Variants in MECR observed in about 807,000 individuals in gnomAD.
The protein encoded by MECR is enoyl-[acyl-carrier-protein] reductase, mitochondrial.
A neutral mutation model predicts 49.1 loss-of-function variants in MECR; 37 were observed. That is an observed-to-expected ratio of 0.75 (90% CI 0.58 to 0.99). The LOEUF (loss-of-function observed/expected upper bound fraction) is 0.99. MECR is among the 50% of genes least tolerant of loss of function. The pLI is 0.00. For synonymous variants in MECR, 198 were observed against 191.1 expected (o/e 1.04, Z -0.30); for missense variants, 470 against 479.6 (o/e 0.98, Z 0.19).
At chr1:29,217,152 A>T (rs1027645133) in intron 1 of MECR, among the ~76,000 whole-genome samples, 7 of 143,260 alleles carry the variant, frequency 4.9e-5, no homozygotes, top group Non-Finnish European at 1.1e-4. Context: ...AAAAAAAAAA[A>T]AGAAATCAAC....
chr1:29,187,775 G>A (rs1186970426), downstream of MECR, among the ~76,000 whole-genome samples: 2 of 150,376 alleles, frequency 1.3e-5, no homozygotes, highest in East Asian at 4.3e-4. Flanking sequence ...GGTGGCTCAC[G>A]CCTGTAATCC....
chr1:29,200,997 T>C (rs763741698), intron 6 of MECR, among the ~76,000 whole-genome samples: 41 of 152,192 alleles, frequency 2.7e-4, no homozygotes, highest in Non-Finnish European at 5.0e-4. Flanking sequence ...GGTCTCACTA[T>C]GTTGCTCAGG....
At chr1:29,225,816 G>A (rs1681896452) in intron 1 of MECR, among the ~76,000 whole-genome samples, 1 of 152,146 alleles carries the variant, frequency 6.6e-6, no homozygotes, top group South Asian at 2.1e-4. Context: ...GTGCCCTATA[G>A]TGAGAATGGA....
chr1:29,206,905 C>T lies in MECR; in HGVS notation c.407G>A (p.Gly136Glu), dbSNP rs773294539. ...DWVIPANAGLGTWRTEAVFSE... is the reference protein window; with the variant it reads ...DWVIPANAGLETWRTEAVFSE... Reference sequence around the variant, plus strand: ...GAACACAGCCTCGGTCCGCCAGGTTCCTGAGTCAGAAGATGAAGCCAGGAT... The same window carrying T: ...GAACACAGCCTCGGTCCGCCAGGTTTCTGAGTCAGAAGATGAAGCCAGGAT... The change falls in exon 4 of 10, where the codon GGA (glycine) becomes GAA (glutamate). Residue 136 changes from glycine to glutamate, a missense_variant and splice_region_variant. Transcript: ENST00000263702. 3 of 1,614,038 alleles carry T rather than the reference C, an allele frequency of 1.9e-6. No individual in the cohort carries two copies. Among genetic ancestry groups the T allele is most frequent in the South Asian group, 1.1e-5 (1 of 91,080 alleles).
chr1:29,182,807 G>T, the MECR span, among the ~76,000 whole-genome samples: 2 of 152,216 alleles, frequency 1.3e-5, no homozygotes, highest in Non-Finnish European at 2.9e-5. Context: ...GCCTCCCAAA[G>T]TGCTGGGATT....
the MECR span, among the ~76,000 whole-genome samples, chr1:29,174,565 T>G: frequency 6.6e-6 from 1 of 151,718 alleles, no homozygotes. Context: ...ATCAGGCTGT[T>G]AGGGTGAAAC....
the MECR span, chr1:29,170,996 A>G: frequency 6.6e-6 from 1 of 152,234 alleles, no homozygotes; most frequent in East Asian, 1.9e-4. Flanking sequence ...AAACTCAAGT[A>G]AAACATTTCC....
At chr1:29,209,303 T>G (rs930666559) in intron 3 of MECR, among the ~76,000 whole-genome samples, 8 of 152,254 alleles carry the variant, frequency 5.3e-5, no homozygotes, top group Non-Finnish European at 1.0e-4. Context: ...CTCACTAGAT[T>G]GATTTCTCGA....
At chr1:29,179,528 TAA>T in the MECR span, among the ~76,000 whole-genome samples, 1 of 152,046 alleles carries the variant, frequency 6.6e-6, no homozygotes, top group Non-Finnish European at 1.5e-5. Flanking sequence ...CGTGGCTAAT[TAA>T]AAAAATTTTT....
chr1:29,215,439 G>A (rs762835306), intron 3 of MECR, among the ~76,000 whole-genome samples: 8 of 152,068 alleles, frequency 5.3e-5, no homozygotes, highest in Non-Finnish European at 8.8e-5. Flanking sequence ...TTTGTCGGGC[G>A]TGATGGTGTA....
At chr1:29,187,567 T>C in the MECR span, among the ~76,000 whole-genome samples, 109 of 151,780 alleles carry the variant, frequency 7.2e-4, no homozygotes, top group Non-Finnish European at 1.3e-3. Context: ...TGCGTAATTA[T>C]CTCATATCCC....
intron 1 of MECR, among the ~76,000 whole-genome samples, chr1:29,220,073 T>C (rs1241934177): frequency 1.3e-5 from 2 of 152,040 alleles, no homozygotes; most frequent in African/African-American, 4.8e-5. Context: ...CGAACTTTTC[T>C]CACTAGTGAG....
Position 29,194,137 on chromosome 1 carries a change from C to CG in MECR, c.1006dup (p.Arg336ProfsTer47), listed in dbSNP as rs751642196. The CG allele has an allele frequency of 3.1e-6, 5 of 1,613,660 alleles. No homozygotes were observed. The South Asian group carries it at 5.5e-5, about 18-fold the overall frequency. On this transcript the variant is annotated frameshift_variant, in exon 10 of 10. Transcript: ENST00000263702. LOFTEE classifies it high-confidence loss of function. The stretch of plus-strand genomic sequence containing the variant: ...GGCAGGGGCTGTGAGCTGGCCTCGG[C>CG]GGATGAGATCGCACAGTGTGAGGAT...
chr1:29,201,103 G>T lies in MECR; in HGVS notation c.757-514C>A, dbSNP rs1675213317. Among the ~76,000 whole-genome samples, 1 of 152,180 alleles carries T rather than the reference G, an allele frequency of 6.6e-6. No homozygotes were observed. Among genetic ancestry groups the T allele is most frequent in the African/African-American group, 2.4e-5 (1 of 41,448 alleles). On this transcript the variant is annotated intron_variant, in intron 6 of 9. Coordinates refer to ENST00000263702, the MANE Select transcript of MECR (RefSeq NM_016011.5). The surrounding 1 kb of genome is among the most constrained non-coding windows in gnomAD (Gnocchi z 4.3). ...GAGTCACCTCATCCAGCCAAGAAGG[G>T]CCTTTTCTGTAGCAACTTAATCCTG...
At chr1:29,173,466 CTTTTTTTTTTTTTTTTTT>C in the MECR span, 1 of 73,070 alleles carries the variant, frequency 1.4e-5, no homozygotes, top group Non-Finnish European at 2.6e-5. Flanking sequence ...TTTTTTTTTT[CTTTTTTTTTTTTTTTTTT>C]GAGATGGAGT....
rs545473510 is a variant in MECR, at chr1:29,195,043, G to C, written c.965-864C>G. On this transcript the variant is annotated intron_variant, in intron 9 of 9. Transcript: ENST00000263702. ...AGGTGGGAGGATCACCTGAACCGAGGAGGTTGAGTCTGTAGTGATCTGTGA... is the reference window on the plus strand; with the variant it reads ...AGGTGGGAGGATCACCTGAACCGAGCAGGTTGAGTCTGTAGTGATCTGTGA... Among the ~76,000 whole-genome samples the C allele has an allele frequency of 9.9e-4, 150 of 152,246 alleles. 1 individual carries two copies. Among genetic ancestry groups the C allele is most frequent in the Non-Finnish European group, 1.2e-4 (8 of 68,012 alleles).
At chr1:29,215,970 G>A (rs1365386447) in intron 3 of MECR, 35 bp downstream of exon 3, 1 of 1,611,466 alleles carries the variant, frequency 6.2e-7, no homozygotes, top group East Asian at 2.2e-5. Context: ...GGATCTGGAA[G>A]AACGAATAGG....
chr1:29,227,182 C>T (rs1456407437), intron 1 of MECR, among the ~76,000 whole-genome samples: 4 of 151,938 alleles, frequency 2.6e-5, no homozygotes, highest in African/African-American at 7.3e-5. Flanking sequence ...AGGCTGGTCT[C>T]GAGCACCTGA....
chr1:29,206,590 A>G (rs1368127577), intron 4 of MECR, among the ~76,000 whole-genome samples, 172 bp downstream of exon 4: 1 of 152,156 alleles, frequency 6.6e-6, no homozygotes, highest in Non-Finnish European at 1.5e-5. Context: ...CATGTTTCCT[A>G]GGAACCAAGC....
Sources: gnomAD v4.1 joint callset for allele counts (sites outside exome capture counted in the v4.1 genomes callset) on GRCh38, gnomAD v4.1.1 for gene constraint, Gnocchi (gnomAD v3.1) non-coding constraint, MANE v1.5 for transcripts, NCBI Gene and HGNC (gene_info 2026-07-23, HGNC 2026-07-21) for gene names.